SGCZ: variants seen among roughly 807,000 people sequenced by gnomAD.
The protein encoded by SGCZ is sarcoglycan zeta.
A neutral mutation model predicts 41.3 loss-of-function variants in SGCZ; 40 were observed. That is an observed-to-expected ratio of 0.97 (90% CI 0.75 to 1.26). SGCZ has a LOEUF of 1.26. Among genes scored for constraint, SGCZ ranks in the 50% most tolerant of loss-of-function variants. The pLI, the probability that SGCZ is intolerant of heterozygous loss-of-function variation, is 0.00. For missense variants in SGCZ, 552 were observed against 369.8 expected (o/e 1.49, Z -4.04); for synonymous variants, 206 against 137.5 (o/e 1.50, Z -3.49).
chr8:14,129,290 T>G lies in SGCZ; in HGVS notation c.548-21055A>C, dbSNP rs137974905. Among the ~76,000 whole-genome samples the G allele has an allele frequency of 7.1e-3, 941 of 132,558 alleles. 6 individuals carry two copies. The highest frequency in any genetic ancestry group is 0.026 in the African/African-American group (894 of 35,018). 87.0% of individuals were successfully genotyped at this position (132,558 alleles called of 152,430 possible). ...GAACCCAGGAGGCAGAGGTTACAATTAGCCAAGATCGTGCCATTGCACTCC... is the reference window on the plus strand; with the variant it reads ...GAACCCAGGAGGCAGAGGTTACAATGAGCCAAGATCGTGCCATTGCACTCC... On this transcript the variant is annotated intron_variant, in intron 5 of 7. Coordinates refer to ENST00000382080, the MANE Select transcript of SGCZ (RefSeq NM_139167.4).
chr8:14,629,156 A>G (rs888087895), intron 1 of SGCZ, among the ~76,000 whole-genome samples: 1 of 152,126 alleles, frequency 6.6e-6, no homozygotes, highest in Admixed American at 6.6e-5. Context: ...GTCATACCTG[A>G]AGTCCATCTT....
intron 1 of SGCZ, among the ~76,000 whole-genome samples, chr8:14,682,248 G>A (rs1214146251): frequency 1.3e-5 from 2 of 152,064 alleles, no homozygotes; most frequent in Non-Finnish European, 2.9e-5. Flanking sequence ...AGAGGCTAGG[G>A]TTGTACTATA....
At chr8:14,328,151 C>T (rs1802190632) in intron 2 of SGCZ, among the ~76,000 whole-genome samples, 1 of 152,054 alleles carries the variant, frequency 6.6e-6, no homozygotes, top group Non-Finnish European at 1.5e-5. Context: ...ACATATATTC[C>T]ATATATAATC....
chr8:14,286,939 T>C (rs554998398), intron 3 of SGCZ, among the ~76,000 whole-genome samples: 52 of 152,158 alleles, frequency 3.4e-4, no homozygotes, highest in African/African-American at 1.2e-3. Flanking sequence ...GTGATTATAC[T>C]ATAAATAAGC....
chr8:14,520,442 G>A (rs553648535), intron 2 of SGCZ, among the ~76,000 whole-genome samples: 8 of 152,232 alleles, frequency 5.3e-5, no homozygotes, highest in Non-Finnish European at 1.0e-4. Context: ...TGGACAGAGT[G>A]TAAGAAACCA....
chr8:14,173,179 T>A (rs2117004700), intron 4 of SGCZ, among the ~76,000 whole-genome samples: 1 of 150,814 alleles, frequency 6.6e-6, no homozygotes, highest in East Asian at 1.9e-4. Flanking sequence ...GTTTTTTTTT[T>A]AAGAGAGACA....
At chr8:14,474,862 T>C (rs1361807205) in intron 2 of SGCZ, among the ~76,000 whole-genome samples, 3 of 152,168 alleles carry the variant, frequency 2.0e-5, no homozygotes, top group Middle Eastern at 3.2e-3. Flanking sequence ...ATCTTGCAAA[T>C]GCATCATTCC....
At chr8:15,075,382 G>A (rs1805493669) in intron 1 of SGCZ, among the ~76,000 whole-genome samples, 1 of 152,070 alleles carries the variant, frequency 6.6e-6, no homozygotes, top group African/African-American at 2.4e-5. Context: ...GACATTTTAT[G>A]GGGTCATTTT....
At chr8:14,784,053 G>GTT (rs67722353) in intron 1 of SGCZ, among the ~76,000 whole-genome samples, 7 of 145,492 alleles carry the variant, frequency 4.8e-5, no homozygotes, top group East Asian at 2.0e-4. Context: ...TTAATTTAAT[G>GTT]TTTTTTTTTT....
intron 3 of SGCZ, among the ~76,000 whole-genome samples, chr8:14,288,450 C>T (rs560439431): frequency 1.1e-3 from 165 of 152,164 alleles, no homozygotes; most frequent in Non-Finnish European, 1.6e-3. Flanking sequence ...TCCCTACCCT[C>T]GGCCACTGGT....
intron 1 of SGCZ, among the ~76,000 whole-genome samples, chr8:15,097,725 T>TAAA (rs764026112): frequency 8.7e-6 from 1 of 114,956 alleles, no homozygotes; most frequent in African/African-American, 3.5e-5. Context: ...TGAGAGCTTA[T>TAAA]AAAAAAAAAA....
intron 1 of SGCZ, among the ~76,000 whole-genome samples, chr8:14,579,532 T>A (rs1288119762): frequency 7.9e-5 from 12 of 152,254 alleles, no homozygotes; most frequent in Non-Finnish European, 1.8e-4. Context: ...CTATTAAAGT[T>A]AATTAAACTG....
At chr8:14,802,495 T>G (rs1314706363) in intron 1 of SGCZ, among the ~76,000 whole-genome samples, 1 of 152,202 alleles carries the variant, frequency 6.6e-6, no homozygotes, top group East Asian at 1.9e-4. Flanking sequence ...AGGAACCATT[T>G]TATGAGCCAG....
At chr8:14,271,422 T>C (rs1800054788) in intron 3 of SGCZ, among the ~76,000 whole-genome samples, 2 of 152,228 alleles carry the variant, frequency 1.3e-5, no homozygotes, top group Non-Finnish European at 1.5e-5. Context: ...TGAAGACTTG[T>C]AGATAGTTTC....
rs529509032 is a variant in SGCZ, at chr8:14,965,421, T to C, written c.39+272164A>G. 1.4e-3 allele frequency among the ~76,000 whole-genome samples: 207 copies of C among 152,184 alleles called. 3 individuals carry two copies. The highest frequency in any genetic ancestry group is 4.9e-3 in the African/African-American group (203 of 41,536). On this transcript the variant is annotated intron_variant, in intron 1 of 7. Coordinates refer to ENST00000382080, the MANE Select transcript of SGCZ (RefSeq NM_139167.4). The stretch of plus-strand genomic sequence containing the variant: ...CGGAAAGTAAAGGAGTCGCCAAAGA[T>C]GAGTGAGAAAACACAAGCAAAAGAA...
chr8:14,340,696 C>T (rs939879445), intron 2 of SGCZ, among the ~76,000 whole-genome samples: 3 of 152,154 alleles, frequency 2.0e-5, no homozygotes, highest in African/African-American at 7.2e-5. Flanking sequence ...AATGCATCCA[C>T]TGATAATAGC....
At chr8:14,277,914 G>C (rs1344193875) in intron 3 of SGCZ, among the ~76,000 whole-genome samples, 2 of 152,018 alleles carry the variant, frequency 1.3e-5, no homozygotes, top group Non-Finnish European at 2.9e-5. Flanking sequence ...AAAGAAAAAA[G>C]AAAAAGAGAC....
At chr8:14,434,508 G>T (rs1800032518) in intron 2 of SGCZ, among the ~76,000 whole-genome samples, 1 of 152,160 alleles carries the variant, frequency 6.6e-6, no homozygotes, top group East Asian at 1.9e-4. Flanking sequence ...GTGAAGAATG[G>T]TAGTGGTATT....
At chr8:14,875,885 T>A (rs529727018) in intron 1 of SGCZ, among the ~76,000 whole-genome samples, 1 of 152,304 alleles carries the variant, frequency 6.6e-6, no homozygotes, top group African/African-American at 2.4e-5. Flanking sequence ...AATCCAAAGT[T>A]GTCTCTGAAG....
Sources: gnomAD v4.1 joint callset for allele counts (sites outside exome capture counted in the v4.1 genomes callset) on GRCh38, gnomAD v4.1.1 for gene constraint, MANE v1.5 for transcripts, NCBI Gene and HGNC (gene_info 2026-07-23, HGNC 2026-07-21) for gene names.